Variants in LHFPL6 observed in about 807,000 individuals in gnomAD.
LHFPL6 encodes LHFPL tetraspan subfamily member 6, also known as LHFPL tetraspan subfamily member 6 protein.
LHFPL6 carries 9 observed loss-of-function variants against 20.6 expected under a neutral mutation model. The ratio of observed to expected loss-of-function variants is 0.44; its 90% confidence interval spans 0.26 to 0.76. The LOEUF is 0.76. Among genes scored for constraint, LHFPL6 ranks in the 30% least tolerant of loss-of-function variants. The pLI, the probability that LHFPL6 is intolerant of heterozygous loss-of-function variation, is 0.20. For synonymous variants in LHFPL6, 105 were observed against 98.7 expected (o/e 1.06, Z -0.38); for missense variants, 218 against 253.5 (o/e 0.86, Z 0.95).
At chr13:39,390,323 CCTT>C (rs1275410823) in intron 2 of LHFPL6, among the ~76,000 whole-genome samples, 1 of 151,960 alleles carries the variant, frequency 6.6e-6, no homozygotes, top group African/African-American at 2.4e-5. Flanking sequence ...CAGCAAGACT[CCTT>C]CTCTTAAAAA....
chr13:39,459,034 A>T (rs924029751), intron 2 of LHFPL6, among the ~76,000 whole-genome samples: 1 of 152,082 alleles, frequency 6.6e-6, no homozygotes, highest in Non-Finnish European at 1.5e-5. Flanking sequence ...CCTTCCAAGG[A>T]CTTTTAATTT....
At chr13:39,360,016 T>C (rs1273512421) in intron 3 of LHFPL6, among the ~76,000 whole-genome samples, 4 of 146,616 alleles carry the variant, frequency 2.7e-5, no homozygotes, top group Non-Finnish European at 6.0e-5. Context: ...CAGGATTTTG[T>C]TTTGTTTTGT....
chr13:39,368,773 T>C (rs1870078277), intron 3 of LHFPL6, among the ~76,000 whole-genome samples: 2 of 152,160 alleles, frequency 1.3e-5, no homozygotes, highest in African/African-American at 2.4e-5. Context: ...CATAAAACAA[T>C]TGCAATGCAA....
chr13:39,589,137 T>TA (rs1872534009), intron 2 of LHFPL6, among the ~76,000 whole-genome samples: 1 of 152,050 alleles, frequency 6.6e-6, no homozygotes, highest in Admixed American at 6.6e-5. Flanking sequence ...TTTTTTGAGA[T>TA]AGAGTCTTGC....
intron 2 of LHFPL6, among the ~76,000 whole-genome samples, chr13:39,423,751 C>T (rs1871556602): frequency 1.3e-5 from 2 of 152,148 alleles, no homozygotes; most frequent in South Asian, 4.1e-4. Flanking sequence ...GGAAACAGAG[C>T]AAGTGAGATA....
chr13:39,558,583 C>T (rs144693648), intron 2 of LHFPL6, among the ~76,000 whole-genome samples: 6 of 152,128 alleles, frequency 3.9e-5, no homozygotes, highest in Non-Finnish European at 5.9e-5. Flanking sequence ...CCAGATGACA[C>T]GATGATGATA....
intron 2 of LHFPL6, among the ~76,000 whole-genome samples, chr13:39,588,015 T>C (rs895873475): frequency 1.3e-5 from 2 of 152,082 alleles, no homozygotes; most frequent in African/African-American, 4.8e-5. Flanking sequence ...GATATCCAGA[T>C]GCCAGATGCT....
intron 2 of LHFPL6, among the ~76,000 whole-genome samples, chr13:39,517,641 T>G (rs752868024): frequency 3.9e-5 from 6 of 152,166 alleles, no homozygotes; most frequent in Admixed American, 1.3e-4. Context: ...CCATTATATG[T>G]CCCTGTTTGT....
chr13:39,421,618 C>T (rs1020757810), intron 2 of LHFPL6, among the ~76,000 whole-genome samples: 4 of 152,068 alleles, frequency 2.6e-5, no homozygotes, highest in Non-Finnish European at 4.4e-5. Flanking sequence ...CCCACATTAA[C>T]GGGTGGACAA....
chr13:39,498,213 C>A (rs1204940024), intron 2 of LHFPL6, among the ~76,000 whole-genome samples: 1 of 152,224 alleles, frequency 6.6e-6, no homozygotes, highest in African/African-American at 2.4e-5. Flanking sequence ...TCTAATTAAA[C>A]CTCCAGAGAA....
intron 2 of LHFPL6, among the ~76,000 whole-genome samples, chr13:39,469,483 T>A (rs1328766623): frequency 6.6e-6 from 1 of 152,188 alleles, no homozygotes; most frequent in Non-Finnish European, 1.5e-5. Flanking sequence ...CCCCTGATGC[T>A]TTACATCAGG....
intron 2 of LHFPL6, among the ~76,000 whole-genome samples, chr13:39,489,674 T>C (rs1868850298): frequency 6.6e-6 from 1 of 151,746 alleles, no homozygotes; most frequent in African/African-American, 2.4e-5. Flanking sequence ...CACCTCAGCC[T>C]TCCAAATAGC....
chr13:39,503,821 T>A (rs9566446), intron 2 of LHFPL6, among the ~76,000 whole-genome samples: 74,292 of 152,080 alleles, frequency 0.49, 18,768 homozygotes, highest in Admixed American at 0.54. Context: ...ATTTTGCCAA[T>A]AACTTGCTGA....
chr13:39,527,307 G>A (rs1288418683), intron 2 of LHFPL6, among the ~76,000 whole-genome samples: 1 of 151,978 alleles, frequency 6.6e-6, no homozygotes, highest in Non-Finnish European at 1.5e-5. Flanking sequence ...GAGGCCTTTG[G>A]CCCTCATGTG....
intron 2 of LHFPL6, among the ~76,000 whole-genome samples, chr13:39,420,881 G>T (rs74044055): frequency 0.012 from 1,756 of 152,222 alleles, 32 homozygotes; most frequent in African/African-American, 0.04. Context: ...CTGAAGTTAC[G>T]TGTCCTGGAA....
At chr13:39,514,298 C>T (rs774916617) in intron 2 of LHFPL6, among the ~76,000 whole-genome samples, 1 of 152,036 alleles carries the variant, frequency 6.6e-6, no homozygotes, top group Non-Finnish European at 1.5e-5. Context: ...GCTCTAAGTC[C>T]AAGGGTCTCT....
chr13:39,531,011 C>T (rs1870449017), intron 2 of LHFPL6, among the ~76,000 whole-genome samples: 3 of 151,710 alleles, frequency 2.0e-5, no homozygotes, highest in Admixed American at 2.0e-4. Flanking sequence ...ACAAAGGTGA[C>T]ATTCATGAGG....
intron 2 of LHFPL6, among the ~76,000 whole-genome samples, chr13:39,523,353 A>C (rs1450752539): frequency 6.6e-6 from 1 of 152,106 alleles, no homozygotes; most frequent in East Asian, 1.9e-4. Context: ...GCGGATCACG[A>C]GGTCAGGAGA....
intron 2 of LHFPL6, among the ~76,000 whole-genome samples, chr13:39,538,833 A>G (rs140107185): frequency 9.5e-4 from 144 of 152,334 alleles, no homozygotes; most frequent in African/African-American, 2.9e-3. Context: ...AAATGTAAGG[A>G]TACCTGCAAT....
Sources: gnomAD v4.1 joint callset for allele counts (sites outside exome capture counted in the v4.1 genomes callset) on GRCh38, gnomAD v4.1.1 for gene constraint, MANE v1.5 for transcripts, NCBI Gene and HGNC (gene_info 2026-07-23, HGNC 2026-07-21) for gene names.